Variants in TAFA2 observed in about 807,000 individuals in gnomAD.
TAFA2 encodes TAFA chemokine like family member 2, also known as chemokine-like protein TAFA-2.
Under a neutral mutation model 18.8 loss-of-function variants are expected in TAFA2, and 7 were observed. That is an observed-to-expected ratio of 0.37 (90% confidence interval 0.21 to 0.70). The LOEUF is 0.70. TAFA2 is among the 30% of genes least tolerant of loss of function. The pLI is 0.53. For synonymous variants in TAFA2, 60 were observed against 54.2 expected (o/e 1.11, Z -0.47); for missense variants, 122 against 158.1 (o/e 0.77, Z 1.23).
intron 1 of TAFA2, among the ~76,000 whole-genome samples, chr12:62,222,207 A>G (rs1048929015): frequency 6.6e-6 from 1 of 152,016 alleles, no homozygotes; most frequent in African/African-American, 2.4e-5. Flanking sequence ...ACACACACAC[A>G]CACATCTGGA....
intron 1 of TAFA2, among the ~76,000 whole-genome samples, chr12:61,882,574 C>T (rs754223498): frequency 2.6e-5 from 4 of 152,136 alleles, no homozygotes. Flanking sequence ...CAATTCAGAA[C>T]TGGCTCAAAT....
intron 2 of TAFA2, among the ~76,000 whole-genome samples, chr12:61,862,523 G>T (rs1874171260): frequency 6.6e-6 from 1 of 152,188 alleles, no homozygotes; most frequent in Non-Finnish European, 1.5e-5. Context: ...GAGTAATACA[G>T]TTATCCATTG....
intron 1 of TAFA2, among the ~76,000 whole-genome samples, chr12:62,057,733 C>A (rs1882223606): frequency 6.6e-6 from 1 of 152,122 alleles, no homozygotes; most frequent in Non-Finnish European, 1.5e-5. Context: ...GGAATTTAGG[C>A]CACTTTAAAT....
chr12:62,185,092 T>C (rs2062577242), intron 1 of TAFA2, among the ~76,000 whole-genome samples: 1 of 152,206 alleles, frequency 6.6e-6, no homozygotes, highest in South Asian at 2.1e-4. Context: ...GACCCAATTC[T>C]GAATGTATAT....
At chr12:61,734,471 A>C (rs1868270969) in intron 4 of TAFA2, among the ~76,000 whole-genome samples, 1 of 151,762 alleles carries the variant, frequency 6.6e-6, no homozygotes, top group Non-Finnish European at 1.5e-5. Flanking sequence ...ATATGTAACT[A>C]ACCTGCACAT....
chr12:62,081,168 C>T (rs1344402637), intron 1 of TAFA2, among the ~76,000 whole-genome samples: 1 of 152,092 alleles, frequency 6.6e-6, no homozygotes, highest in Admixed American at 6.5e-5. Context: ...GCACTCCAGC[C>T]TGGGCGACAG....
intron 1 of TAFA2, among the ~76,000 whole-genome samples, chr12:62,123,104 A>G (rs1870273185): frequency 2.0e-5 from 3 of 152,178 alleles, no homozygotes; most frequent in African/African-American, 7.2e-5. Flanking sequence ...ATTTAGATAC[A>G]TAACATTTTG....
At chr12:61,819,337 C>T (rs1872226006) in intron 2 of TAFA2, among the ~76,000 whole-genome samples, 3 of 152,130 alleles carry the variant, frequency 2.0e-5, no homozygotes, top group Admixed American at 1.3e-4. Context: ...TTCCTATAAT[C>T]ATATCCAAAG....
intron 1 of TAFA2, among the ~76,000 whole-genome samples, chr12:61,955,984 T>C (rs1878683409): frequency 6.6e-6 from 1 of 152,190 alleles, no homozygotes; most frequent in East Asian, 1.9e-4. Flanking sequence ...CAATTATAAT[T>C]CCTCTGTAAG....
At chr12:61,904,901 A>C (rs1876276937) in intron 1 of TAFA2, among the ~76,000 whole-genome samples, 1 of 152,232 alleles carries the variant, frequency 6.6e-6, no homozygotes, top group African/African-American at 2.4e-5. Flanking sequence ...TCTTTGATTC[A>C]ATAAAATGTT....
chr12:62,162,884 T>A (rs975626273), intron 1 of TAFA2, among the ~76,000 whole-genome samples: 1 of 152,000 alleles, frequency 6.6e-6, no homozygotes, highest in South Asian at 2.1e-4. Flanking sequence ...GCTTGAGAAC[T>A]TCCAGAGTTC....
intron 4 of TAFA2, chr12:61,720,701 C>T: frequency 2.8e-6 from 1 of 360,002 alleles, no homozygotes; most frequent in Non-Finnish European, 5.5e-6. Context: ...TGCTTTAAAC[C>T]AAGACGGGAG....
At chr12:61,835,893 C>A (rs1168801631) in intron 2 of TAFA2, among the ~76,000 whole-genome samples, 1 of 151,846 alleles carries the variant, frequency 6.6e-6, no homozygotes, top group Non-Finnish European at 1.5e-5. Flanking sequence ...AGAGACAGCA[C>A]CCACACTTAA....
chr12:62,135,789 T>C (rs917990375), intron 1 of TAFA2: 1 of 152,080 alleles, frequency 6.6e-6, no homozygotes, highest in African/African-American at 2.4e-5. Flanking sequence ...TGCAAAATGT[T>C]ATTAGGAAAG....
At position 62,201,786 on chromosome 12, in the gene TAFA2, A is replaced by G. The variant is rs527880058; in HGVS notation, c.-130+56977T>C. Among the ~76,000 whole-genome samples the G allele has an allele frequency of 1.8e-3, 279 of 152,242 alleles. 2 individuals are homozygous for G. The highest frequency in any genetic ancestry group is 6.3e-3 in the African/African-American group (262 of 41,544). On this transcript the variant is annotated intron_variant, in intron 1 of 5. Transcript: ENST00000551619. ...AGTTGGGAGGGGTCTCTCCTTTTCA[A>G]TTGTCTGGAATAGTTTCAGAAGAAA...
At chr12:61,934,238 A>G (rs1372430393) in intron 1 of TAFA2, among the ~76,000 whole-genome samples, 1 of 152,216 alleles carries the variant, frequency 6.6e-6, no homozygotes, top group African/African-American at 2.4e-5. Context: ...TTCCCTAACC[A>G]GAAACCAGGG....
At chr12:62,226,785 T>G (rs184422402) in intron 1 of TAFA2, among the ~76,000 whole-genome samples, 1 of 152,356 alleles carries the variant, frequency 6.6e-6, no homozygotes, top group Admixed American at 6.5e-5. Context: ...TCTTCTTTAC[T>G]TTTCACTCAC....
At chr12:62,210,387 T>C (rs991524688) in intron 1 of TAFA2, among the ~76,000 whole-genome samples, 5 of 152,174 alleles carry the variant, frequency 3.3e-5, no homozygotes, top group Admixed American at 1.3e-4. Context: ...AAACTCTCTA[T>C]AGATTCCTTT....
chr12:61,802,868 A>G (rs866453997), intron 2 of TAFA2, among the ~76,000 whole-genome samples: 1 of 152,030 alleles, frequency 6.6e-6, no homozygotes, highest in African/African-American at 2.4e-5. Flanking sequence ...AATATGTGCA[A>G]TTATTATATG....
Sources: allele counts gnomAD v4.1 joint callset (sites outside exome capture counted in the v4.1 genomes callset), GRCh38; gene constraint gnomAD v4.1.1; transcripts MANE v1.5; gene names NCBI Gene and HGNC (gene_info 2026-07-23, HGNC 2026-07-21).